Variants in CDH4 observed in about 807,000 individuals in gnomAD.
CDH4 encodes cadherin-4.
CDH4 carries 33 observed loss-of-function variants against 86.0 expected under a neutral mutation model. The ratio of observed to expected loss-of-function variants is 0.38; its 90% CI spans 0.29 to 0.51. The LOEUF is 0.51. Ranked by LOEUF, CDH4 falls within the 20% of genes least tolerant of loss-of-function variation. The probability of loss-of-function intolerance (pLI) is 0.86; values close to 1 mark genes in which losing one functional copy is unlikely to be tolerated. For synonymous variants in CDH4, 555 were observed against 549.4 expected (o/e 1.01, Z -0.14); for missense variants, 1,114 against 1,307.4 (o/e 0.85, Z 2.28).
chr20:61,935,213 C>G (rs1037033389), intron 15 of CDH4, among the ~76,000 whole-genome samples: 3 of 152,238 alleles, frequency 2.0e-5, no homozygotes, highest in African/African-American at 7.2e-5. Flanking sequence ...TTTAGCAACA[C>G]TTAGACCTCA....
At chr20:61,931,475 G>A (rs984664752) in intron 13 of CDH4, among the ~76,000 whole-genome samples, 5 of 152,306 alleles carry the variant, frequency 3.3e-5, no homozygotes, top group African/African-American at 4.8e-5. Flanking sequence ...CCAATTAATC[G>A]GGTTGGCAAA....
rs1333037673 is a variant in CDH4 at position 61,676,072 on chromosome 20, G to A, written c.170-67491G>A. On this transcript the variant is annotated intron_variant, in intron 2 of 15. Coordinates refer to ENST00000614565, the MANE Select transcript of CDH4 (RefSeq NM_001794.5). The surrounding 1 kb of genome is among the most constrained non-coding windows in gnomAD (Gnocchi z 4.5). ...TCACAGATAATGTAATTGGGCAGTC[G>A]GTGGGGGGAGCCTCAGCGAGGACCG... 1.3e-5 allele frequency among the ~76,000 whole-genome samples: 2 copies of A among 152,194 alleles called. No individual in the cohort carries two copies. Among genetic ancestry groups the A allele is most frequent in the East Asian group, 1.9e-4 (1 of 5,184 alleles).
At chr20:61,766,032 C>T (rs1310024564) in intron 3 of CDH4, among the ~76,000 whole-genome samples, 6 of 152,040 alleles carry the variant, frequency 3.9e-5, no homozygotes, top group Non-Finnish European at 7.4e-5. Context: ...ACCGCGGATG[C>T]TGGGCCCAGC....
chr20:61,305,481 C>G (rs2084411449), intron 2 of CDH4, among the ~76,000 whole-genome samples: 1 of 152,226 alleles, frequency 6.6e-6, no homozygotes, highest in African/African-American at 2.4e-5. Flanking sequence ...GGGGACCACA[C>G]TTTTGCAGCA....
intron 7 of CDH4, among the ~76,000 whole-genome samples, chr20:61,886,521 G>C (rs2427227): frequency 0.9 from 137,297 of 152,322 alleles, 62,427 homozygotes; most frequent in Non-Finnish European, 0.93. Flanking sequence ...GCCCAGGACA[G>C]GAGCATGCAT....
intron 4 of CDH4, among the ~76,000 whole-genome samples, chr20:61,799,786 A>G (rs1979735461): frequency 6.6e-6 from 1 of 152,190 alleles, no homozygotes; most frequent in South Asian, 2.1e-4. Context: ...CAGCGGTAAC[A>G]GATTTCCTTC....
intron 8 of CDH4, among the ~76,000 whole-genome samples, chr20:61,903,787 G>T (rs2054755620): frequency 6.6e-6 from 1 of 152,072 alleles, no homozygotes; most frequent in Admixed American, 6.5e-5. Context: ...TTGCCTCCTG[G>T]AGCCTCAGTT....
intron 7 of CDH4, among the ~76,000 whole-genome samples, chr20:61,877,021 C>T (rs1183511228): frequency 1.3e-5 from 2 of 152,184 alleles, no homozygotes; most frequent in Non-Finnish European, 2.9e-5. Flanking sequence ...AAGAGCGCCA[C>T]GGAGCCCACG....
chr20:61,398,174 T>C (rs1444931681), intron 2 of CDH4, among the ~76,000 whole-genome samples: 28 of 152,216 alleles, frequency 1.8e-4, no homozygotes, highest in Admixed American at 1.8e-3. Flanking sequence ...TATCTTGGAA[T>C]TGATAATGTA....
intron 2 of CDH4, among the ~76,000 whole-genome samples, chr20:61,619,390 C>T (rs373932919): frequency 6.6e-6 from 1 of 152,218 alleles, no homozygotes; most frequent in East Asian, 1.9e-4. Flanking sequence ...ATTTCTGGAA[C>T]TTGTGGGAAG....
At chr20:61,604,268 G>A (rs1288602924) in intron 2 of CDH4, among the ~76,000 whole-genome samples, 5 of 152,372 alleles carry the variant, frequency 3.3e-5, no homozygotes, top group South Asian at 2.1e-4. Context: ...AGTCGAGGCC[G>A]AGATGCAAAC....
intron 2 of CDH4, among the ~76,000 whole-genome samples, chr20:61,571,864 C>A (rs1341413955): frequency 6.7e-6 from 1 of 149,382 alleles, no homozygotes; most frequent in Non-Finnish European, 1.5e-5. Flanking sequence ...GCAATATCAC[C>A]GAATCACATG....
At chr20:61,719,099 G>A (rs773654824) in intron 2 of CDH4, 13 of 470,960 alleles carry the variant, frequency 2.8e-5, no homozygotes, top group Middle Eastern at 3.2e-4. Context: ...GATCAAAATC[G>A]TATCCCAGCC....
chr20:61,765,362 CT>C (rs1433886947), intron 3 of CDH4, among the ~76,000 whole-genome samples: 1 of 152,190 alleles, frequency 6.6e-6, no homozygotes, highest in Non-Finnish European at 1.5e-5. Context: ...CACCCCTGGG[CT>C]CTGTTCGACC....
chr20:61,870,616 C>T (rs887056291), intron 6 of CDH4, among the ~76,000 whole-genome samples: 7 of 152,158 alleles, frequency 4.6e-5, no homozygotes, highest in African/African-American at 1.4e-4. Context: ...GTTTCACAGA[C>T]GAAAATGCCG....
At chr20:61,749,375 A>G (rs1187149915) in intron 3 of CDH4, among the ~76,000 whole-genome samples, 1 of 152,260 alleles carries the variant, frequency 6.6e-6, no homozygotes, top group Non-Finnish European at 1.5e-5. Flanking sequence ...TTACTGAGAC[A>G]TATAAAAGCA....
chr20:61,263,129 C>T (rs1163752007), intron 2 of CDH4, among the ~76,000 whole-genome samples: 10 of 152,256 alleles, frequency 6.6e-5, no homozygotes, highest in Admixed American at 1.3e-4. Flanking sequence ...AAGTTCTCCC[C>T]GGTGTGTTCT....
Position 61,565,308 on chromosome 20 carries a change from T to C in CDH4, c.170-178255T>C, listed in dbSNP as rs569061550. Among the ~76,000 whole-genome samples the C allele has an allele frequency of 4.2e-4, 26 of 62,142 alleles. 1 individual carries two copies. Among genetic ancestry groups the C allele is most frequent in the South Asian group, 3.4e-3 (5 of 1,462 alleles). The allele number at this position is 62,142 out of a possible 152,430, so 40.8% of individuals were successfully genotyped here. On this transcript the variant is annotated intron_variant, in intron 2 of 15. Coordinates refer to ENST00000614565, the MANE Select transcript of CDH4 (RefSeq NM_001794.5). ...GGGGTGATGGTGGTGGCGGTGCTCT[T>C]GGTGGTGGCGGTGCTCTTGGTGATG...
chr20:61,430,492 G>C (rs2085240568), intron 2 of CDH4, among the ~76,000 whole-genome samples: 1 of 152,186 alleles, frequency 6.6e-6, no homozygotes, highest in East Asian at 1.9e-4. Flanking sequence ...GCAGGATATA[G>C]TGCCTTATCA....
Sources: allele counts gnomAD v4.1 joint callset (sites outside exome capture counted in the v4.1 genomes callset), GRCh38; gene constraint gnomAD v4.1.1; non-coding constraint Gnocchi (gnomAD v3.1); transcripts MANE v1.5; gene names NCBI Gene and HGNC (gene_info 2026-07-23, HGNC 2026-07-21).